STK40: variants seen among roughly 807,000 people sequenced by gnomAD.
STK40 encodes the protein serine/threonine-protein kinase 40.
Under a neutral mutation model 47.9 loss-of-function variants are expected in STK40, and 13 were observed. The ratio of observed to expected loss-of-function variants is 0.27; its 90% CI spans 0.18 to 0.43. STK40 has a LOEUF of 0.43. STK40 is among the 20% of genes least tolerant of loss of function. The pLI, the probability that STK40 is intolerant of heterozygous loss-of-function variation, is 1.00. For missense variants in STK40, 460 were observed against 595.1 expected (o/e 0.77, Z 2.36); for synonymous variants, 225 against 243.2 (o/e 0.93, Z 0.69).
intron 1 of STK40, among the ~76,000 whole-genome samples, chr1:36,364,056 CAGG>C (rs1014800835): frequency 4.9e-4 from 74 of 151,858 alleles, no homozygotes; most frequent in African/African-American, 1.5e-3. Flanking sequence ...GAGGCTGAGG[CAGG>C]AGAATAGTGT....
intron 1 of STK40, among the ~76,000 whole-genome samples, chr1:36,382,465 C>T (rs1647047935): frequency 6.6e-6 from 1 of 152,186 alleles, no homozygotes; most frequent in Non-Finnish European, 1.5e-5. Flanking sequence ...AGGCGTTAGC[C>T]ACCGCGCCTG....
chr1:36,361,508 C>A (rs1284433541), intron 1 of STK40, among the ~76,000 whole-genome samples, 168 bp from the exon 2 acceptor site: 1 of 152,238 alleles, frequency 6.6e-6, no homozygotes, highest in Non-Finnish European at 1.5e-5. Flanking sequence ...CAAAGAACCA[C>A]AGCTCCTTTA....
intron 1 of STK40, among the ~76,000 whole-genome samples, chr1:36,376,101 A>G (rs140345544): frequency 1.1e-3 from 164 of 152,298 alleles, no homozygotes; most frequent in Middle Eastern, 6.8e-3. Context: ...GTTGAGGGCT[A>G]TGGCTGCTCA....
chr1:36,376,003 C>T (rs1646989389), intron 1 of STK40, among the ~76,000 whole-genome samples: 1 of 149,118 alleles, frequency 6.7e-6, no homozygotes, highest in African/African-American at 2.5e-5. Flanking sequence ...GCCTGGGCAA[C>T]AAGAGCAAAA....
chr1:36,346,266 T>C (rs1646701913), intron 7 of STK40, among the ~76,000 whole-genome samples: 1 of 152,056 alleles, frequency 6.6e-6, no homozygotes. Context: ...AATGTTGGGA[T>C]TACAGGCATG....
rs1646793778 is a variant in STK40, at chr1:36,355,346, G to A, written c.430C>T (p.Leu144Phe). 1.9e-6 allele frequency: 3 copies of A among 1,614,186 alleles called. No homozygotes were observed. Among genetic ancestry groups the A allele is most frequent in the Non-Finnish European group, 2.5e-6 (3 of 1,180,042 alleles). ...TTATCGCTGAAGTCATGAGCACAGAGGCAGTCCAGGACGAGGCAGATGCGC... is the reference window on the plus strand; with the variant it reads ...TTATCGCTGAAGTCATGAGCACAGAAGCAGTCCAGGACGAGGCAGATGCGC... ...KKRICLVLDCLCAHDFSDKTA... is the reference protein window; with the variant it reads ...KKRICLVLDCFCAHDFSDKTA... Residue 144 changes from leucine (L) to phenylalanine (F), a missense_variant, in exon 5 of 11, where the codon CTC becomes TTC. This residue lies in a region of STK40 where 277 missense variants were observed against 358.7 expected (regional missense o/e 0.77). Transcript: ENST00000373132.
intron 3 of STK40, 146 bp downstream of exon 3, chr1:36,358,591 G>A (rs1330284852): frequency 3.7e-6 from 4 of 1,093,382 alleles, no homozygotes; most frequent in Non-Finnish European, 3.9e-6. Context: ...GTTGTTCTGA[G>A]GGAGACTGTG....
At chr1:36,374,600 C>T (rs1323522668) in intron 1 of STK40, among the ~76,000 whole-genome samples, 1 of 152,222 alleles carries the variant, frequency 6.6e-6, no homozygotes, top group East Asian at 1.9e-4. Flanking sequence ...TAATCTGTCA[C>T]TGTGTGTGGG....
At position 36,341,469 on chromosome 1, in the gene STK40, G is replaced by C. The variant is rs565375437; in HGVS notation, c.*286C>G. ...CCTCCTCCCTCTTGCTCAGTCCAGA[G>C]ACAGCATGGTTAAAGAGACAGAGGT... is the stretch of plus-strand genomic sequence containing the variant. On this transcript the variant is annotated 3_prime_UTR_variant, in exon 11 of 11. Transcript: ENST00000373132. 6.4e-4 allele frequency: 272 copies of C among 423,112 alleles called. No individual in the cohort carries two copies. Among genetic ancestry groups the C allele is most frequent in the Non-Finnish European group, 9.3e-5 (21 of 226,548 alleles). 26.2% of individuals were successfully genotyped at this position (423,112 alleles called of 1,614,324 possible). A position where few individuals can be genotyped will look rare whatever the true frequency, so the allele number is the denominator to read the frequency against.
intron 1 of STK40, among the ~76,000 whole-genome samples, chr1:36,367,405 G>A (rs1646911929): frequency 6.6e-6 from 1 of 152,216 alleles, no homozygotes. Context: ...AGCTCCCACT[G>A]CGTGGCCTGA....
At chr1:36,367,381 C>T (rs1476633869) in intron 1 of STK40, among the ~76,000 whole-genome samples, 1 of 152,212 alleles carries the variant, frequency 6.6e-6, no homozygotes, top group Non-Finnish European at 1.5e-5. Flanking sequence ...GTGAGAGGGC[C>T]TCACCTGTGG....
At position 36,358,751 on chromosome 1, in the gene STK40, A is replaced by C. The variant is rs1376443888; in HGVS notation, c.184T>G (p.Phe62Val). ...GTCTCACTTACCTTCAGCTGATAGA[A>C]GTCATCCGTGCCATCTTTCCTCGCC... ...CLARKDGTDD[F>V]YQLKILTLEE... The change falls in exon 3 of 11, where the codon TTC (phenylalanine) becomes GTC (valine). Residue 62 changes from phenylalanine (F) to valine (V), a missense_variant. Phe to Val is a conservative substitution (Grantham distance 50). Around this residue, in one of 3 missense-constraint regions of STK40, gnomAD observed 277 missense variants for 358.7 expected, o/e 0.77. Coordinates refer to ENST00000373132, the MANE Select transcript of STK40 (RefSeq NM_001282547.2). The C allele has an allele frequency of 4.3e-6, 7 of 1,614,120 alleles. No individual in the cohort carries two copies. The highest frequency in any genetic ancestry group is 5.9e-6 in the Non-Finnish European group (7 of 1,180,014).
intron 1 of STK40, among the ~76,000 whole-genome samples, chr1:36,372,151 C>T (rs1364416550): frequency 1.3e-5 from 2 of 152,000 alleles, no homozygotes; most frequent in Non-Finnish European, 2.9e-5. Flanking sequence ...AACTGATCAC[C>T]TCCCCACAAC....
chr1:36,385,507 C>CCG (rs947100646), intron 1 of STK40, among the ~76,000 whole-genome samples: 4 of 152,178 alleles, frequency 2.6e-5, no homozygotes, highest in Non-Finnish European at 5.9e-5. Context: ...ACTGAAGCTC[C>CCG]CGCGGCCTCC....
intron 7 of STK40, among the ~76,000 whole-genome samples, chr1:36,347,125 G>A (rs946103705): frequency 6.6e-6 from 1 of 151,880 alleles, no homozygotes. Flanking sequence ...CAGCAGAAGC[G>A]GCAGCTGGGG....
In STK40 at chr1:36,358,800, C is replaced by T. The variant is rs550535182; in HGVS notation, c.135G>A (p.Pro45=). ...CCAAACACTGCACTATGCTTGGCACCGGTGAGTTGCCCAGACGGGGACCTA... is the reference window on the plus strand; with the variant it reads ...CCAAACACTGCACTATGCTTGGCACTGGTGAGTTGCCCAGACGGGGACCTA... The part of the protein sequence containing the change: ...FILGPRLGNS[P]VPSIVQCLAR... Residue 45 remains proline, a synonymous_variant, in exon 3 of 11, where the codon CCG becomes CCA. Transcript: ENST00000373132. 75 of 1,614,162 alleles carry T rather than the reference C, an allele frequency of 4.6e-5. No individual in the cohort carries two copies. Among genetic ancestry groups the T allele is most frequent in the Non-Finnish European group, 5.8e-5 (69 of 1,180,032 alleles).
chr1:36,384,820 T>C (rs1430504546), intron 1 of STK40, among the ~76,000 whole-genome samples: 1 of 152,222 alleles, frequency 6.6e-6, no homozygotes, highest in Non-Finnish European at 1.5e-5. Flanking sequence ...ATTTTGGCCC[T>C]ACAATTACAC....
intron 1 of STK40, among the ~76,000 whole-genome samples, chr1:36,385,409 G>A (rs560128292): frequency 3.9e-4 from 59 of 152,330 alleles, no homozygotes; most frequent in Admixed American, 9.8e-4. Flanking sequence ...GAAAGATCTG[G>A]CTGGATTCAC....
At chr1:36,349,428 A>G (rs1481043043) in intron 6 of STK40, among the ~76,000 whole-genome samples, 3 of 152,208 alleles carry the variant, frequency 2.0e-5, no homozygotes, top group Non-Finnish European at 2.9e-5. Flanking sequence ...GGGAAGTGAA[A>G]GGACTTGGCC....
Sources: allele counts gnomAD v4.1 joint callset (sites outside exome capture counted in the v4.1 genomes callset), GRCh38; gene constraint gnomAD v4.1.1; regional missense constraint gnomAD v4.1.1; transcripts MANE v1.5; gene names NCBI Gene and HGNC (gene_info 2026-07-23, HGNC 2026-07-21).